Variants in SPMIP6 observed in about 807,000 individuals in gnomAD.
The protein encoded by SPMIP6 is ciliated bronchial epithelial protein 1.
At chr9:34,380,968 G>A in the SPMIP6 span, 1 of 1,607,416 alleles carries the variant, frequency 6.2e-7, no homozygotes, top group Non-Finnish European at 8.5e-7. Flanking sequence ...TGGCGTAGTA[G>A]TCCATCCCGC....
chr9:34,385,836 G>A, the SPMIP6 span: 13 of 1,558,630 alleles, frequency 8.3e-6, no homozygotes, highest in South Asian at 1.4e-4. Flanking sequence ...CCAGCCCTGG[G>A]GTCTTGCTGG....
At chr9:34,383,633 A>G in the SPMIP6 span, among the ~76,000 whole-genome samples, 1 of 152,206 alleles carries the variant, frequency 6.6e-6, no homozygotes, top group Admixed American at 6.5e-5. Context: ...CTTGGTTAAT[A>G]GATACCTATC....
the SPMIP6 span, among the ~76,000 whole-genome samples, chr9:34,391,781 A>G: frequency 7.9e-5 from 12 of 152,100 alleles, no homozygotes; most frequent in African/African-American, 2.4e-4. Flanking sequence ...ATGACTTAGT[A>G]CTTGGTCCAC....
At chr9:34,385,663 T>A in the SPMIP6 span, 3 of 1,612,032 alleles carry the variant, frequency 1.9e-6, no homozygotes, top group African/African-American at 4.0e-5. Context: ...CCAGTACTTC[T>A]CAGGCAAGTA....
chr9:34,381,507 C>CT, the SPMIP6 span: 4 of 1,609,780 alleles, frequency 2.5e-6, no homozygotes, highest in Non-Finnish European at 3.4e-6. This position sits in a 1 kb window ranked among gnomAD's most constrained non-coding sequence, Gnocchi z 4.4. Flanking sequence ...TTTTAGGGGT[C>CT]CTCCCAGAAC....
At chr9:34,395,058 T>G in the SPMIP6 span, among the ~76,000 whole-genome samples, 1 of 151,658 alleles carries the variant, frequency 6.6e-6, no homozygotes, top group Admixed American at 6.6e-5. Flanking sequence ...CTCAACCTCC[T>G]GGGCTCAAGT....
the SPMIP6 span, chr9:34,381,671 G>A: frequency 7.1e-7 from 1 of 1,406,224 alleles, no homozygotes; most frequent in Non-Finnish European, 9.3e-7. This position sits in a 1 kb window ranked among gnomAD's most constrained non-coding sequence, Gnocchi z 4.4. Flanking sequence ...ATGGGGTTTG[G>A]CTCCTGGGCC....
the SPMIP6 span, among the ~76,000 whole-genome samples, chr9:34,392,496 T>C: frequency 6.7e-6 from 1 of 149,712 alleles, no homozygotes; most frequent in Admixed American, 6.7e-5. The surrounding 1 kb of genome is among the most constrained non-coding windows in gnomAD (Gnocchi z 4.6). Flanking sequence ...AAATCTCTTT[T>C]GTCTGTTACT....
chr9:34,379,778 ACT>A, the SPMIP6 span: 3 of 1,483,330 alleles, frequency 2.0e-6, no homozygotes, highest in South Asian at 1.2e-5. This position sits in a 1 kb window ranked among gnomAD's most constrained non-coding sequence, Gnocchi z 4.2. Flanking sequence ...GGGCCTTTTG[ACT>A]CTCATCCCCC....
At chr9:34,384,065 C>G in the SPMIP6 span, among the ~76,000 whole-genome samples, 82,606 of 152,026 alleles carry the variant, frequency 0.54, 23,356 homozygotes, top group East Asian at 0.85. Flanking sequence ...ACATATGCGA[C>G]ACGGTGTGGA....
At chr9:34,382,248 G>T in the SPMIP6 span, among the ~76,000 whole-genome samples, 1 of 152,178 alleles carries the variant, frequency 6.6e-6, no homozygotes, top group Non-Finnish European at 1.5e-5. Flanking sequence ...AGAGCCAGGG[G>T]CCCAGCACAG....
chr9:34,382,292 A>AT, the SPMIP6 span, among the ~76,000 whole-genome samples: 3 of 152,232 alleles, frequency 2.0e-5, no homozygotes, highest in Admixed American at 2.0e-4. Context: ...AACTAAAAAA[A>AT]TTCAAACCCG....
chr9:34,381,390 G>A, the SPMIP6 span: 1 of 1,613,986 alleles, frequency 6.2e-7, no homozygotes, highest in Non-Finnish European at 8.5e-7. This position sits in a 1 kb window ranked among gnomAD's most constrained non-coding sequence, Gnocchi z 4.4. Flanking sequence ...AGCCGCTCCG[G>A]CCTAGGAGGG....
the SPMIP6 span, chr9:34,379,661 G>A: frequency 1.2e-6 from 2 of 1,613,940 alleles, no homozygotes; most frequent in African/African-American, 2.7e-5. This position sits in a 1 kb window ranked among gnomAD's most constrained non-coding sequence, Gnocchi z 4.2. Context: ...GTTCGGATAT[G>A]GGTAGTATGA....
At chr9:34,393,128 T>C in the SPMIP6 span, among the ~76,000 whole-genome samples, 1 of 152,220 alleles carries the variant, frequency 6.6e-6, no homozygotes, top group Non-Finnish European at 1.5e-5. Flanking sequence ...TCCAGCTAGT[T>C]GACAGTACAA....
At chr9:34,393,215 A>T in the SPMIP6 span, among the ~76,000 whole-genome samples, 1 of 152,176 alleles carries the variant, frequency 6.6e-6, no homozygotes, top group Admixed American at 6.5e-5. Context: ...AACTTAAATG[A>T]TAGTTTTGTA....
chr9:34,387,405 G>T, the SPMIP6 span, among the ~76,000 whole-genome samples: 1 of 152,140 alleles, frequency 6.6e-6, no homozygotes, highest in Admixed American at 6.5e-5. Context: ...AGCTGACATT[G>T]TTCTGTGAGC....
chr9:34,387,872 G>A, the SPMIP6 span, among the ~76,000 whole-genome samples: 1 of 152,176 alleles, frequency 6.6e-6, no homozygotes, highest in South Asian at 2.1e-4. Flanking sequence ...TGGCTGATGA[G>A]ATTCTTCAGA....
chr9:34,392,442 C>CGTGT, the SPMIP6 span, among the ~76,000 whole-genome samples: 35,618 of 148,048 alleles, frequency 0.24, 4,339 homozygotes, highest in Middle Eastern at 0.28. This position sits in a 1 kb window ranked among gnomAD's most constrained non-coding sequence, Gnocchi z 4.6. Flanking sequence ...ATCTAAAAAC[C>CGTGT]GTGTGTGTGT....
Sources: allele counts gnomAD v4.1 joint callset (sites outside exome capture counted in the v4.1 genomes callset), GRCh38; gene constraint gnomAD v4.1.1; non-coding constraint Gnocchi (gnomAD v3.1); transcripts MANE v1.5; gene names NCBI Gene and HGNC (gene_info 2026-07-23, HGNC 2026-07-21).